SNX29: variants seen among roughly 807,000 people sequenced by gnomAD.
SNX29 encodes sorting nexin 29, also known as sorting nexin-29.
Under a neutral mutation model 102.1 loss-of-function variants are expected in SNX29, and 78 were observed. The ratio of observed to expected loss-of-function variants is 0.76; its 90% confidence interval spans 0.64 to 0.92. SNX29 has a LOEUF of 0.92. SNX29 is among the 40% of genes least tolerant of loss of function. The pLI is 0.00. For synonymous variants in SNX29, 580 were observed against 414.5 expected (o/e 1.40, Z -4.85); for missense variants, 1,280 against 1,061.7 (o/e 1.21, Z -2.86).
intron 13 of SNX29, among the ~76,000 whole-genome samples, chr16:12,136,228 G>A (rs2054655124): frequency 6.6e-6 from 1 of 152,212 alleles, no homozygotes; most frequent in African/African-American, 2.4e-5. Context: ...GAAACTTAAA[G>A]TGGGGCTGGG....
At chr16:12,069,624 G>A (rs375511559) in intron 10 of SNX29, among the ~76,000 whole-genome samples, 3 of 152,162 alleles carry the variant, frequency 2.0e-5, no homozygotes, top group Non-Finnish European at 4.4e-5. Context: ...CAGAGAGACT[G>A]TATAAGAGAT....
chr16:12,018,304 G>A (rs779324771), intron 3 of SNX29, among the ~76,000 whole-genome samples: 2 of 152,038 alleles, frequency 1.3e-5, no homozygotes, highest in Non-Finnish European at 2.9e-5. Flanking sequence ...TTGGCTGGGC[G>A]TGGTGGTTCA....
chr16:12,298,431 T>G (rs1054789104), intron 15 of SNX29, among the ~76,000 whole-genome samples: 28 of 152,242 alleles, frequency 1.8e-4, no homozygotes, highest in South Asian at 6.2e-4. Context: ...CTGTGCAGAT[T>G]ATACCTTTCT....
At chr16:12,220,316 G>GAGGGAGGA (rs1567326106) in intron 14 of SNX29, among the ~76,000 whole-genome samples, 1 of 144,546 alleles carries the variant, frequency 6.9e-6, no homozygotes, top group Non-Finnish European at 1.5e-5. Flanking sequence ...GGGAGGGAGG[G>GAGGGAGGA]AGGGAGGAAG....
intron 15 of SNX29, among the ~76,000 whole-genome samples, chr16:12,320,382 C>T (rs1435041270): frequency 1.3e-5 from 2 of 151,922 alleles, no homozygotes; most frequent in Non-Finnish European, 2.9e-5. Flanking sequence ...ATGCCTGTGC[C>T]CAGCATGGGG....
intron 19 of SNX29, among the ~76,000 whole-genome samples, chr16:12,516,827 A>G (rs2089888095): frequency 6.6e-6 from 1 of 152,202 alleles, no homozygotes; most frequent in African/African-American, 2.4e-5. Context: ...CACACTTGTC[A>G]GAAACAAACC....
At chr16:12,322,876 TGG>T (rs869233887) in intron 15 of SNX29, among the ~76,000 whole-genome samples, 3,879 of 37,102 alleles carry the variant, frequency 0.1, 61 homozygotes, top group African/African-American at 0.13. Context: ...ATGCGGTCAC[TGG>T]AGTCACTGGG....
intron 14 of SNX29, among the ~76,000 whole-genome samples, chr16:12,212,596 A>G (rs864935): frequency 0.46 from 70,582 of 151,958 alleles, 17,513 homozygotes; most frequent in Non-Finnish European, 0.57. Flanking sequence ...GAGTAAAGAT[A>G]ATATATATTT....
At chr16:12,270,076 G>A (rs750780215) in intron 14 of SNX29, among the ~76,000 whole-genome samples, 13 of 152,116 alleles carry the variant, frequency 8.5e-5, no homozygotes, top group Admixed American at 3.9e-4. Flanking sequence ...GGCCAGGCTG[G>A]TCTCAAATTC....
chr16:12,472,211 G>T (rs1047315113), intron 18 of SNX29, among the ~76,000 whole-genome samples: 1 of 143,494 alleles, frequency 7.0e-6, no homozygotes, highest in Non-Finnish European at 1.5e-5. Flanking sequence ...CACTGGTTCC[G>T]TTTAGGTCAA....
intron 14 of SNX29, among the ~76,000 whole-genome samples, chr16:12,260,810 TTTGC>T (rs1322860228): frequency 1.3e-5 from 2 of 150,514 alleles, no homozygotes; most frequent in Admixed American, 6.6e-5. Flanking sequence ...GGAGGGAGTG[TTTGC>T]TGAGCTCAGA....
At chr16:12,540,107 TAAAG>T (rs1597830387) in intron 20 of SNX29, among the ~76,000 whole-genome samples, 1 of 152,038 alleles carries the variant, frequency 6.6e-6, no homozygotes, top group African/African-American at 2.4e-5. Flanking sequence ...ACCCAGGTCA[TAAAG>T]ATTTTCTCCT....
chr16:12,524,668 C>T (rs370438684), intron 19 of SNX29, 34 bp from the exon 20 acceptor site: 18 of 1,605,868 alleles, frequency 1.1e-5, no homozygotes, highest in Admixed American at 3.4e-5. Flanking sequence ...GTGAGGAAGA[C>T]GTACCAAAGC....
chr16:12,171,353 C>T (rs1213468886), intron 13 of SNX29, among the ~76,000 whole-genome samples: 2 of 151,944 alleles, frequency 1.3e-5, no homozygotes, highest in Non-Finnish European at 2.9e-5. Flanking sequence ...GGAGAAAACA[C>T]GCACAGTTAG....
At chr16:12,405,987 G>A (rs994329195) in intron 18 of SNX29, among the ~76,000 whole-genome samples, 3 of 151,730 alleles carry the variant, frequency 2.0e-5, no homozygotes, top group South Asian at 2.1e-4. Context: ...AGCCGAGATC[G>A]CACCATTGCA....
rs192680392 is a variant in SNX29 at position 12,181,507 on chromosome 16, G to A, written c.1596-18094G>A. ...AGGCATTCAGCTCAGTGAGTAGAGG[G>A]GTGACTTTGAATAGAATGGGAGGCA... On this transcript the variant is annotated intron_variant, in intron 13 of 20. Coordinates refer to ENST00000566228, the MANE Select transcript of SNX29 (RefSeq NM_032167.5). Among the ~76,000 whole-genome samples the A allele has an allele frequency of 5.3e-5, 8 of 152,308 alleles. No individual in the cohort carries two copies. The East Asian group carries it at 1.5e-3, about 29-fold the overall frequency.
Position 12,384,532 on chromosome 16 carries a change from T to C in SNX29, c.1900-13914T>C, listed in dbSNP as rs1567508443. On this transcript the variant is annotated intron_variant, in intron 16 of 20. Coordinates refer to ENST00000566228, the MANE Select transcript of SNX29 (RefSeq NM_032167.5). ...TATGTCTACTTTTGAGAAATGTCGT[T>C]TCAGATCTTTTGCCTGGTTTTTAAT... is the stretch of plus-strand genomic sequence containing the variant. Among the ~76,000 whole-genome samples the C allele has an allele frequency of 2.6e-5, 4 of 152,354 alleles. No homozygotes were observed. The East Asian group carries it at 7.7e-4, about 29-fold the overall frequency.
intron 14 of SNX29, among the ~76,000 whole-genome samples, chr16:12,247,618 T>C (rs1272181581): frequency 6.6e-6 from 1 of 152,190 alleles, no homozygotes; most frequent in East Asian, 1.9e-4. Context: ...TACCAAGTGC[T>C]CAGCAGGGCC....
At chr16:12,040,277 C>G (rs1308968712) in intron 4 of SNX29, among the ~76,000 whole-genome samples, 10 of 152,074 alleles carry the variant, frequency 6.6e-5, no homozygotes. Flanking sequence ...ACTCGGGAGG[C>G]TGAGACAGGA....
Sources: gnomAD v4.1 joint callset for allele counts (sites outside exome capture counted in the v4.1 genomes callset) on GRCh38, gnomAD v4.1.1 for gene constraint, MANE v1.5 for transcripts, NCBI Gene and HGNC (gene_info 2026-07-23, HGNC 2026-07-21) for gene names.